BRDT: variants seen among roughly 807,000 people sequenced by gnomAD.
The protein encoded by BRDT is bromodomain testis-specific protein.
In BRDT, 77 loss-of-function variants were observed where a neutral mutation model predicts 113.9. The observed-to-expected ratio is 0.68, with a 90% CI of 0.56 to 0.82. The LOEUF is 0.82. Among genes scored for constraint, BRDT ranks in the 40% least tolerant of loss-of-function variants. The pLI, the probability that BRDT is intolerant of heterozygous loss-of-function variation, is 0.00. For missense variants in BRDT, 1,027 were observed against 1,105.4 expected, an observed-to-expected ratio of 0.93 and a Z score of 1.01; for synonymous variants, 358 against 366.5, an observed-to-expected ratio of 0.98 and a Z score of 0.26.
intron 18 of BRDT, among the ~76,000 whole-genome samples, chr1:92,013,762 A>G (rs72718430): frequency 0.033 from 5,041 of 152,334 alleles, 125 homozygotes; most frequent in Middle Eastern, 0.092. Flanking sequence ...AGGAAAGCCC[A>G]TAGTTTTAGC....
At chr1:92,012,708 C>T (rs1471020165) in intron 18 of BRDT, among the ~76,000 whole-genome samples, 1 of 152,024 alleles carries the variant, frequency 6.6e-6, no homozygotes, top group Non-Finnish European at 1.5e-5. Context: ...GTCAGGAGTT[C>T]GAGACCAGCC....
At chr1:91,989,128 C>A (rs972947073) in intron 12 of BRDT, among the ~76,000 whole-genome samples, 1 of 151,522 alleles carries the variant, frequency 6.6e-6, no homozygotes, top group Non-Finnish European at 1.5e-5. Context: ...TAATTTTGAG[C>A]CTAGTTTTAT....
intron 18 of BRDT, among the ~76,000 whole-genome samples, chr1:92,011,740 A>G (rs1010895778): frequency 6.6e-6 from 1 of 152,178 alleles, no homozygotes. Flanking sequence ...CTGACTAATG[A>G]TGTTACATCT....
intron 2 of BRDT, 73 bp downstream of exon 2, chr1:91,963,019 C>T (rs1250375264): frequency 6.5e-6 from 8 of 1,227,720 alleles, no homozygotes; most frequent in Non-Finnish European, 9.0e-6. Flanking sequence ...CATAACTAGT[C>T]TTTAATATTA....
chr1:92,009,731 TTTTA>T (rs1009490099), intron 18 of BRDT, among the ~76,000 whole-genome samples: 2 of 101,148 alleles, frequency 2.0e-5, no homozygotes, highest in African/African-American at 5.4e-5. Flanking sequence ...TTATTTTTTA[TTTTA>T]TTTATTTATT....
At chr1:91,958,823 G>T (rs1291272560) in intron 1 of BRDT, among the ~76,000 whole-genome samples, 1 of 152,182 alleles carries the variant, frequency 6.6e-6, no homozygotes, top group Non-Finnish European at 1.5e-5. Flanking sequence ...GGGAGGCCAA[G>T]GAGGGCAGAT....
intron 18 of BRDT, among the ~76,000 whole-genome samples, chr1:92,012,082 G>A (rs556146514): frequency 6.6e-6 from 1 of 152,286 alleles, no homozygotes; most frequent in South Asian, 2.1e-4. Flanking sequence ...GCCGAGGCAG[G>A]CAGATAACTG....
At chr1:91,970,121 C>T (rs976259660) in intron 4 of BRDT, among the ~76,000 whole-genome samples, 5 of 151,604 alleles carry the variant, frequency 3.3e-5, no homozygotes, top group African/African-American at 1.2e-4. Flanking sequence ...TGAGCTGCTG[C>T]ACCTGGCCTA....
intron 18 of BRDT, among the ~76,000 whole-genome samples, chr1:92,006,693 C>T (rs1311847737): frequency 6.6e-6 from 1 of 152,148 alleles, no homozygotes; most frequent in Non-Finnish European, 1.5e-5. Context: ...GTCTCAAACT[C>T]CTGACCTTAG....
chr1:91,970,759 C>CT (rs1045905258), intron 4 of BRDT, among the ~76,000 whole-genome samples: 1 of 151,822 alleles, frequency 6.6e-6, no homozygotes, highest in African/African-American at 2.4e-5. Context: ...AAATTTGAAA[C>CT]TTTGCCAGGT....
At position 91,981,404 on chromosome 1, in the gene BRDT, T is replaced by TTGTATGTATGTA. The variant is rs35241748; in HGVS notation, c.1864+36_1864+47dup. The TTGTATGTATGTA allele has an allele frequency of 5.0e-5, 75 of 1,490,900 alleles. 1 individual carries two copies. The South Asian group carries it at 7.8e-4, about 15-fold the overall frequency. The allele number at this position is 1,490,900 out of a possible 1,614,324, so 92.4% of individuals were successfully genotyped here. A position where few individuals can be genotyped will look rare whatever the true frequency, so the allele number is the denominator to read the frequency against. ...AATGTAGGTGGCAGTTTTTGTTTGT[T>TTGTATGTATGTA]TGTATGTATGTATGTATGTATGTAG... On this transcript the variant is annotated intron_variant, in intron 11 of 18. Transcript: ENST00000399546.
intron 18 of BRDT, among the ~76,000 whole-genome samples, chr1:92,012,605 C>T (rs898333102): frequency 3.9e-5 from 6 of 152,166 alleles, no homozygotes; most frequent in African/African-American, 1.4e-4. Context: ...ATCCTAGAAA[C>T]TGGGTGTTAA....
chr1:92,012,253 C>T (rs561507250), intron 18 of BRDT, among the ~76,000 whole-genome samples: 44 of 150,892 alleles, frequency 2.9e-4, no homozygotes, highest in African/African-American at 9.3e-4. Context: ...GCCGAGATCA[C>T]GCCACTGCAC....
intron 11 of BRDT, 31 bp from the exon 12 acceptor site, chr1:91,981,587 T>A: frequency 1.2e-6 from 2 of 1,606,856 alleles, no homozygotes; most frequent in Non-Finnish European, 1.7e-6. Flanking sequence ...TTAATTCTTC[T>A]GGCATTTTAA....
chr1:91,964,271 G>A (rs191898387), intron 2 of BRDT, among the ~76,000 whole-genome samples: 72 of 152,348 alleles, frequency 4.7e-4, no homozygotes, highest in African/African-American at 1.6e-3. Flanking sequence ...GTGTTGGTCA[G>A]GCTGGTCTCG....
rs78267346 is a variant in BRDT, at chr1:92,002,069, A to G, written c.2308A>G (p.Asn770Asp). 2,700 of 1,613,470 alleles carry G rather than the reference A, an allele frequency of 1.7e-3. 37 individuals carry two copies. In the African/African-American group the frequency reaches 0.033, roughly 20 times the overall value. The part of the protein sequence containing the change: ...PPSGDSEQLS[N>D]GITVMHPSGD... Reference sequence around the variant, plus strand: ...TCCAGGTGATTCTGAACAGCTCTCAAATGGCATAACTGTGATGCATCCATC... The same window carrying G: ...TCCAGGTGATTCTGAACAGCTCTCAGATGGCATAACTGTGATGCATCCATC... The change falls in exon 16 of 19, where the codon AAT becomes GAT. Residue 770 changes from asparagine (N) to aspartate (D), a missense_variant. Asn to Asp is a conservative substitution (Grantham distance 23, BLOSUM62 1). Coordinates refer to ENST00000399546, the MANE Select transcript of BRDT (RefSeq NM_207189.4).
chr1:91,993,201 C>A (rs1222740559), intron 14 of BRDT, among the ~76,000 whole-genome samples: 1 of 152,142 alleles, frequency 6.6e-6, no homozygotes. Context: ...ATTCCTATAG[C>A]ATTTGTTTTA....
At chr1:91,966,250 T>G (rs1414733842) in intron 3 of BRDT, among the ~76,000 whole-genome samples, 1 of 152,242 alleles carries the variant, frequency 6.6e-6, no homozygotes. Flanking sequence ...ATATCTCATT[T>G]AAATATGAGA....
rs139806494 is a variant in BRDT, at chr1:92,009,653, G to A, written c.2775+4354G>A. 6.9e-5 allele frequency among the ~76,000 whole-genome samples: 10 copies of A among 144,922 alleles called. No individual in the cohort carries two copies. In the East Asian group the frequency reaches 1.3e-3, roughly 19 times the overall value. ...CAGGCTTGACCTCCCAGGCTCAAGC[G>A]ATCCTCCTACCCCAACCCCCCAGTA... On this transcript the variant is annotated intron_variant, in intron 18 of 18. Transcript: ENST00000399546.
Sources: gnomAD v4.1 joint callset for allele counts (sites outside exome capture counted in the v4.1 genomes callset) on GRCh38, gnomAD v4.1.1 for gene constraint, MANE v1.5 for transcripts, NCBI Gene and HGNC (gene_info 2026-07-23, HGNC 2026-07-21) for gene names.